The following CPVL variants were observed in gnomAD, a reference collection of about 807,000 sequenced individuals.
The protein encoded by CPVL is carboxypeptidase vitellogenic like, also known as probable serine carboxypeptidase CPVL.
CPVL carries 51 observed loss-of-function variants against 63.7 expected under a neutral mutation model. The ratio of observed to expected loss-of-function variants is 0.80; its 90% CI spans 0.64 to 1.01. The LOEUF is 1.01. Ranked by LOEUF, CPVL falls within the 50% of genes least tolerant of loss-of-function variation. CPVL has a pLI of 0.00. For synonymous variants in CPVL, 195 were observed against 206.0 expected (o/e 0.95, Z 0.46); for missense variants, 530 against 573.1 (o/e 0.92, Z 0.77).
intron 2 of CPVL, among the ~76,000 whole-genome samples, chr7:29,116,364 C>T (rs544972963): frequency 6.6e-6 from 1 of 152,314 alleles, no homozygotes; most frequent in East Asian, 1.9e-4. Flanking sequence ...TTTCAAATGT[C>T]CTGTGCATCC....
intron 5 of CPVL, among the ~76,000 whole-genome samples, chr7:29,167,426 T>C (rs1796059854): frequency 2.0e-5 from 3 of 152,212 alleles, no homozygotes; most frequent in Admixed American, 2.0e-4. Context: ...TTCCAGTTTT[T>C]CTTTTTGCTT....
Position 29,030,577 on chromosome 7 carries a change from C to G in CPVL, c.1320G>C (p.Gln440His), listed in dbSNP as rs768929266. 8.1e-6 allele frequency: 13 copies of G among 1,610,012 alleles called. No individual in the cohort carries two copies. Among genetic ancestry groups the G allele is most frequent in the Non-Finnish European group, 1.1e-5 (13 of 1,178,106 alleles). The change falls in exon 12 of 13, where the codon CAG becomes CAC. Residue 440 changes from glutamine to histidine, a missense_variant and splice_region_variant. Physicochemically the swap from Gln to His is conservative, Grantham distance 24. Coordinates refer to ENST00000265394, the MANE Select transcript of CPVL (RefSeq NM_031311.5). The part of the protein sequence containing the change: ...GYIRQAGDFH[Q>H]VIIRGGGHIL... ...TGCCTGCTCCCAAGCATCTTCCTAC[C>G]TGATGGAAGTCACCCGCTTGCCGGA...
chr7:29,033,811 G>T (rs939896553), intron 11 of CPVL, among the ~76,000 whole-genome samples: 4 of 152,176 alleles, frequency 2.6e-5, no homozygotes, highest in African/African-American at 9.7e-5. Flanking sequence ...TGGTAAGGGA[G>T]CAAAGCCACT....
rs1276142561 is a variant in CPVL, at chr7:29,092,516, G to A, written c.542+107C>T. On this transcript the variant is annotated intron_variant, in intron 6 of 12. Transcript: ENST00000265394. ...ATCCTTAAATTATCTTCAGGAATTG[G>A]ACTATAAGGCTCAGTCAATAAAAAT... is the stretch of plus-strand genomic sequence containing the variant. The A allele has an allele frequency of 6.8e-5, 48 of 708,464 alleles. No homozygotes were observed. In the East Asian group the frequency reaches 1.2e-3, roughly 18 times the overall value. 43.9% of individuals were successfully genotyped at this position (708,464 alleles called of 1,614,324 possible).
At chr7:29,036,443 T>A (rs1788538415) in intron 11 of CPVL, among the ~76,000 whole-genome samples, 1 of 152,200 alleles carries the variant, frequency 6.6e-6, no homozygotes, top group Non-Finnish European at 1.5e-5. Flanking sequence ...ACCTTCAGAA[T>A]ATAGGGATGG....
chr7:29,057,773 T>C (rs1370780263), intron 11 of CPVL, among the ~76,000 whole-genome samples: 1 of 152,204 alleles, frequency 6.6e-6, no homozygotes, highest in African/African-American at 2.4e-5. Flanking sequence ...CTTTGCTACA[T>C]TGTATAACCT....
intron 12 of CPVL, chr7:28,996,116 T>G: frequency 2.4e-6 from 1 of 421,602 alleles, no homozygotes; most frequent in Non-Finnish European, 4.1e-6. Flanking sequence ...TTGTATTCTT[T>G]TCTCATGAGT....
At chr7:29,151,998 GTTTTA>G (rs1793659260) in intron 5 of CPVL, among the ~76,000 whole-genome samples, 2 of 152,260 alleles carry the variant, frequency 1.3e-5, no homozygotes, top group African/African-American at 2.4e-5. Context: ...TCTTGTTTAG[GTTTTA>G]TTTTATTTTC....
At chr7:29,147,068 T>C (rs1792828835), upstream of CPVL, 4 of 1,442,012 alleles carry the variant, frequency 2.8e-6, no homozygotes, top group Non-Finnish European at 9.3e-7. Context: ...CATTTTGCAA[T>C]TGGGGGACAC....
chr7:29,087,923 A>G (rs1308644336), intron 6 of CPVL, among the ~76,000 whole-genome samples: 1 of 152,230 alleles, frequency 6.6e-6, no homozygotes, highest in Non-Finnish European at 1.5e-5. Flanking sequence ...GCTGCATTTT[A>G]TAGCTTCTAT....
At chr7:29,060,962 T>A (rs1791215767) in intron 11 of CPVL, among the ~76,000 whole-genome samples, 1 of 152,230 alleles carries the variant, frequency 6.6e-6, no homozygotes, top group South Asian at 2.1e-4. Flanking sequence ...AGATAATCAC[T>A]ATCCCAAGCG....
At position 29,066,024 on chromosome 7, in the gene CPVL, G is replaced by A. The variant is rs376043843; in HGVS notation, c.962C>T (p.Thr321Met). ...TTATGGTTTTTAAAATGTCATTACC[G>A]TGCACCGCAAAAAGTTATAGTAATT... Reference protein sequence around the residue: ...CSNYYNFLRCTEPEDQLYYVK... With the variant: ...CSNYYNFLRCMEPEDQLYYVK... Residue 321 changes from threonine (T) to methionine (M), a missense_variant and splice_region_variant, in exon 10 of 13, where the codon ACG (threonine) becomes ATG (methionine). Physicochemically the swap from Thr to Met is moderately conservative, Grantham distance 81. Coordinates refer to ENST00000265394, the MANE Select transcript of CPVL (RefSeq NM_031311.5). The A allele has an allele frequency of 3.8e-5, 60 of 1,558,818 alleles. No individual in the cohort carries two copies. The highest frequency in any genetic ancestry group is 3.1e-4 in the African/African-American group (23 of 73,060).
At chr7:29,029,677 G>A (rs1002141809) in intron 12 of CPVL, among the ~76,000 whole-genome samples, 6 of 152,186 alleles carry the variant, frequency 3.9e-5, no homozygotes, top group African/African-American at 1.4e-4. Context: ...AAGACGAAGA[G>A]AGATTGGTTA....
chr7:29,006,873 C>T lies in CPVL; in HGVS notation c.1321-10991G>A, dbSNP rs549122646. Among the ~76,000 whole-genome samples, 4 of 151,810 alleles carry T rather than the reference C, an allele frequency of 2.6e-5. No individual in the cohort carries two copies. In the South Asian group the frequency reaches 8.4e-4, roughly 32 times the overall value. ...ACTATCTTAACACAATTTTTTCCATCCCTCTATTTCTCTACCCTACTCCAT... is the reference window on the plus strand; with the variant it reads ...ACTATCTTAACACAATTTTTTCCATTCCTCTATTTCTCTACCCTACTCCAT... On this transcript the variant is annotated intron_variant, in intron 12 of 12. Coordinates refer to ENST00000265394, the MANE Select transcript of CPVL (RefSeq NM_031311.5).
chr7:28,995,614 C>T lies in CPVL; in HGVS notation c.*158G>A. On this transcript the variant is annotated 3_prime_UTR_variant, in exon 13 of 13. Coordinates refer to ENST00000265394, the MANE Select transcript of CPVL (RefSeq NM_031311.5). ...TAATTTTGTAGTAAACATCTCCCCC[C>T]AAAAACAAAAGCTCACTTGTTTCAA... The T allele has an allele frequency of 3.3e-6, 2 of 605,702 alleles. No individual in the cohort carries two copies. Among genetic ancestry groups the T allele is most frequent in the Non-Finnish European group, 5.7e-6 (2 of 349,866 alleles). The allele number at this position is 605,702 out of a possible 1,614,324, so 37.5% of individuals were successfully genotyped here. A position where few individuals can be genotyped will look rare whatever the true frequency, so the allele number is the denominator to read the frequency against.
chr7:29,174,723 G>A (rs184301993), intron 5 of CPVL, among the ~76,000 whole-genome samples: 10 of 152,106 alleles, frequency 6.6e-5, no homozygotes, highest in African/African-American at 2.2e-4. Flanking sequence ...AGCTGGGCAC[G>A]GTGGCACACA....
At chr7:29,161,403 A>G (rs906482711) in intron 5 of CPVL, among the ~76,000 whole-genome samples, 5 of 152,176 alleles carry the variant, frequency 3.3e-5, no homozygotes, top group Admixed American at 2.0e-4. Context: ...TTTTCTTAGC[A>G]TGCAGCAACT....
intron 11 of CPVL, among the ~76,000 whole-genome samples, chr7:29,062,568 T>G (rs1391609906): frequency 6.6e-6 from 1 of 152,206 alleles, no homozygotes; most frequent in Non-Finnish European, 1.5e-5. Flanking sequence ...AACACTGTAC[T>G]AGAAGCAGGA....
At chr7:29,031,044 C>T (rs936647356) in intron 11 of CPVL, among the ~76,000 whole-genome samples, 4 of 152,116 alleles carry the variant, frequency 2.6e-5, no homozygotes, top group African/African-American at 9.7e-5. Flanking sequence ...GGACTTATGG[C>T]TATGTTAAGA....
Sources: allele counts gnomAD v4.1 joint callset (sites outside exome capture counted in the v4.1 genomes callset), GRCh38; gene constraint gnomAD v4.1.1; transcripts MANE v1.5; gene names NCBI Gene and HGNC (gene_info 2026-07-23, HGNC 2026-07-21).